AFF3: variants seen among roughly 807,000 people sequenced by gnomAD.
AFF3 encodes the protein ALF transcription elongation factor 3.
AFF3 carries 32 observed loss-of-function variants against 129.7 expected under a neutral mutation model. That is an observed-to-expected ratio of 0.25 (90% CI 0.19 to 0.33). The LOEUF is 0.33. Ranked by LOEUF, AFF3 falls within the 10% of genes least tolerant of loss-of-function variation. The pLI is 1.00. For missense variants in AFF3, 1,373 were observed against 1,592.0 expected (o/e 0.86, Z 2.34); for synonymous variants, 644 against 635.4 (o/e 1.01, Z -0.20).
At chr2:99,680,912 A>G (rs1255869120) in intron 11 of AFF3, among the ~76,000 whole-genome samples, 1 of 152,214 alleles carries the variant, frequency 6.6e-6, no homozygotes, top group Admixed American at 6.5e-5. Context: ...GCGTTCACAC[A>G]TTACCTGAGG....
At chr2:99,677,391 T>C (rs1188918612) in intron 11 of AFF3, among the ~76,000 whole-genome samples, 1 of 152,220 alleles carries the variant, frequency 6.6e-6, no homozygotes, top group Non-Finnish European at 1.5e-5. Flanking sequence ...ATGGTGACTT[T>C]ACAGTAGAGT....
intron 10 of AFF3, among the ~76,000 whole-genome samples, chr2:99,736,902 G>A (rs1403885753): frequency 6.6e-6 from 1 of 152,020 alleles, no homozygotes; most frequent in Non-Finnish European, 1.5e-5. Flanking sequence ...GAGCCACCAC[G>A]CCCGGCCTTT....
intron 10 of AFF3, among the ~76,000 whole-genome samples, chr2:99,739,003 G>T (rs1680485959): frequency 1.0e-5 from 1 of 96,894 alleles, no homozygotes; most frequent in South Asian, 4.8e-4. Flanking sequence ...AGTGAGGAGT[G>T]AACTGTTCAA....
At chr2:99,597,146 A>G (rs1326182828) in intron 14 of AFF3, among the ~76,000 whole-genome samples, 1 of 152,200 alleles carries the variant, frequency 6.6e-6, no homozygotes. Context: ...ACCGGGCTCT[A>G]CGGAGACTAA....
chr2:99,738,904 A>T (rs1010660075), intron 10 of AFF3, among the ~76,000 whole-genome samples: 1 of 151,000 alleles, frequency 6.6e-6, no homozygotes, highest in African/African-American at 2.4e-5. Context: ...GAAATAGTTG[A>T]CTCTTCTGCC....
intron 2 of AFF3, among the ~76,000 whole-genome samples, chr2:100,123,536 G>C (rs971497862): frequency 6.6e-6 from 1 of 152,122 alleles, no homozygotes; most frequent in Non-Finnish European, 1.5e-5. Context: ...TCAAATTTTG[G>C]CTTCATTACT....
intron 7 of AFF3, among the ~76,000 whole-genome samples, chr2:99,866,271 C>T (rs142419558): frequency 6.6e-6 from 1 of 152,274 alleles, no homozygotes; most frequent in East Asian, 1.9e-4. Flanking sequence ...AGAAAGCAGC[C>T]AAAGCCAACA....
intron 11 of AFF3, among the ~76,000 whole-genome samples, chr2:99,690,041 C>G (rs1675450545): frequency 6.8e-6 from 1 of 147,532 alleles, no homozygotes; most frequent in Non-Finnish European, 1.5e-5. Context: ...GAGCCGAGAT[C>G]ACACGACTGC....
At chr2:99,767,729 G>C (rs867747189) in intron 8 of AFF3, among the ~76,000 whole-genome samples, 1 of 152,084 alleles carries the variant, frequency 6.6e-6, no homozygotes, top group Admixed American at 6.6e-5. Context: ...AGGCCGAGGC[G>C]GGCGGATCAC....
At chr2:99,776,133 G>T (rs1420918405) in intron 8 of AFF3, among the ~76,000 whole-genome samples, 1 of 152,152 alleles carries the variant, frequency 6.6e-6, no homozygotes, top group Non-Finnish European at 1.5e-5. Context: ...TCTCAAAGGG[G>T]TTTCAAATGG....
intron 11 of AFF3, among the ~76,000 whole-genome samples, chr2:99,708,907 T>C (rs938918246): frequency 1.3e-5 from 2 of 152,240 alleles, no homozygotes; most frequent in Non-Finnish European, 2.9e-5. Context: ...TGGAACTATT[T>C]TGAAGTTTAA....
At chr2:100,104,159 G>A (rs916724837) in intron 4 of AFF3, among the ~76,000 whole-genome samples, 4 of 152,120 alleles carry the variant, frequency 2.6e-5, no homozygotes, top group African/African-American at 9.6e-5. Context: ...TAGATCACCA[G>A]TCCCTGGGCT....
In AFF3 at chr2:99,616,960, G is replaced by A. The variant is rs114292182; in HGVS notation, c.1185-15339C>T. ...TTCACTTAGTGTAATGTTTTCAAGG[G>A]TCATCTATACTGTAGCGTGTATCAG... On this transcript the variant is annotated intron_variant, in intron 13 of 24. Coordinates refer to ENST00000672756, the MANE Select transcript of AFF3 (RefSeq NM_001386135.1). Among the ~76,000 whole-genome samples the A allele has an allele frequency of 5.2e-3, 796 of 152,222 alleles. 6 individuals carry two copies. The highest frequency in any genetic ancestry group is 0.018 in the African/African-American group (763 of 41,534).
intron 11 of AFF3, among the ~76,000 whole-genome samples, chr2:99,720,479 C>A (rs1678790550): frequency 6.6e-6 from 1 of 152,138 alleles, no homozygotes; most frequent in South Asian, 2.1e-4. Context: ...CATAGAAGTC[C>A]TCACCAGAAG....
At chr2:99,980,584 G>A (rs534724141) in intron 7 of AFF3, among the ~76,000 whole-genome samples, 1 of 152,338 alleles carries the variant, frequency 6.6e-6, no homozygotes, top group Admixed American at 6.5e-5. Flanking sequence ...TTGGCCTTAA[G>A]CAGAGAGCCA....
chr2:99,718,683 G>A (rs556590680), intron 11 of AFF3, among the ~76,000 whole-genome samples: 49 of 152,056 alleles, frequency 3.2e-4, no homozygotes, highest in Admixed American at 2.5e-3. Flanking sequence ...TATCATTGCT[G>A]TATTCCTGAT....
intron 7 of AFF3, among the ~76,000 whole-genome samples, chr2:99,871,818 A>G (rs781581915): frequency 2.6e-5 from 4 of 152,294 alleles, no homozygotes; most frequent in Admixed American, 6.5e-5. Context: ...GTTGCAACCC[A>G]CACAATACAT....
intron 7 of AFF3, among the ~76,000 whole-genome samples, chr2:99,947,401 C>T (rs1304166304): frequency 3.9e-5 from 6 of 151,906 alleles, no homozygotes; most frequent in Non-Finnish European, 8.8e-5. Context: ...CAAGGTCGTG[C>T]CATTGCACTC....
At chr2:99,928,231 G>A (rs1397394807) in intron 7 of AFF3, among the ~76,000 whole-genome samples, 1 of 152,198 alleles carries the variant, frequency 6.6e-6, no homozygotes, top group Admixed American at 6.5e-5. Context: ...CATAGCTATT[G>A]TGGGGCAGAT....
Sources: gnomAD v4.1 joint callset for allele counts (sites outside exome capture counted in the v4.1 genomes callset) on GRCh38, gnomAD v4.1.1 for gene constraint, MANE v1.5 for transcripts, NCBI Gene and HGNC (gene_info 2026-07-23, HGNC 2026-07-21) for gene names.